The following PKHD1 variants were observed in gnomAD, a reference collection of about 807,000 sequenced individuals.
PKHD1 encodes PKHD1 ciliary IPT domain containing fibrocystin/polyductin.
A neutral mutation model predicts 412.0 loss-of-function variants in PKHD1; 291 were observed. That is an observed-to-expected ratio of 0.71 (90% CI 0.64 to 0.78). The LOEUF is 0.78. PKHD1 is among the 30% of genes least tolerant of loss of function. PKHD1 has a pLI of 0.00. For synonymous variants in PKHD1, 1,777 were observed against 1,821.5 expected (o/e 0.98, Z 0.62); for missense variants, 4,825 against 4,950.7 (o/e 0.97, Z 0.76).
At chr6:51,720,097 C>T (rs904871200) in intron 60 of PKHD1, among the ~76,000 whole-genome samples, 6 of 152,062 alleles carry the variant, frequency 3.9e-5, no homozygotes, top group Non-Finnish European at 8.8e-5. Flanking sequence ...TAAATCAATT[C>T]TATTATCCAT....
At chr6:51,638,231 C>T (rs1045964038) in intron 64 of PKHD1, among the ~76,000 whole-genome samples, 18 of 152,192 alleles carry the variant, frequency 1.2e-4, no homozygotes, top group African/African-American at 4.3e-4. Context: ...GCTATACGAT[C>T]ACTATCTCCC....
chr6:51,806,350 TAA>T (rs553305201), intron 52 of PKHD1, among the ~76,000 whole-genome samples: 10 of 152,224 alleles, frequency 6.6e-5, no homozygotes, highest in African/African-American at 2.2e-4. Context: ...CAGGATTGGA[TAA>T]AGTGTCAAGA....
rs139742511 is a variant in PKHD1 at position 51,659,742 on chromosome 6, T to C, written c.10384A>G (p.Ile3462Val). ...TTGGTGATTTGCCTGATGGGTAAGA[T>C]AGAATAGAAAGTAGACACTGACCCA... Reference protein sequence around the residue: ...TSGSVSTFYSILPIRQITKVC... With the variant: ...TSGSVSTFYSVLPIRQITKVC... The change falls in exon 61 of 67, where the codon ATC becomes GTC. Residue 3462 changes from isoleucine (I) to valine (V), a missense_variant. Ile to Val is a conservative substitution (Grantham distance 29). Transcript: ENST00000371117. 5.0e-5 allele frequency: 81 copies of C among 1,613,704 alleles called. No homozygotes were observed. The highest frequency in any genetic ancestry group is 1.5e-4 in the African/African-American group (11 of 75,004).
intron 60 of PKHD1, among the ~76,000 whole-genome samples, chr6:51,740,340 T>C (rs1258961544): frequency 6.6e-6 from 1 of 152,220 alleles, no homozygotes; most frequent in Non-Finnish European, 1.5e-5. Flanking sequence ...CCTGTGGATA[T>C]CTGTCTGGGT....
chr6:51,702,160 T>C (rs565656762), intron 60 of PKHD1, among the ~76,000 whole-genome samples: 2 of 146,688 alleles, frequency 1.4e-5, no homozygotes, highest in Non-Finnish European at 1.5e-5. Context: ...ATATATTATA[T>C]ATATTATATG....
chr6:51,671,256 C>CT (rs1774918982), intron 60 of PKHD1, among the ~76,000 whole-genome samples: 1 of 152,014 alleles, frequency 6.6e-6, no homozygotes, highest in South Asian at 2.1e-4. Context: ...TCTTTTTATT[C>CT]TTTTTTCTCT....
intron 49 of PKHD1, 104 bp from the exon 50 acceptor site, chr6:51,848,074 A>G (rs1771529741): frequency 1.3e-6 from 1 of 776,888 alleles, no homozygotes; most frequent in Admixed American, 1.9e-5. Context: ...GAGAACGCAG[A>G]TGGAGTAGTT....
At chr6:51,688,706 C>A (rs948887953) in intron 60 of PKHD1, among the ~76,000 whole-genome samples, 2 of 152,052 alleles carry the variant, frequency 1.3e-5, no homozygotes, top group African/African-American at 4.8e-5. Flanking sequence ...ATTATAAACA[C>A]CTCCAGTGTT....
chr6:51,969,958 G>A lies in PKHD1; in HGVS notation c.5752-9932C>T, dbSNP rs141081874. Among the ~76,000 whole-genome samples, 436 of 152,278 alleles carry A rather than the reference G, an allele frequency of 2.9e-3. 3 individuals are homozygous for A. Among genetic ancestry groups the A allele is most frequent in the African/African-American group, 0.01 (422 of 41,572 alleles). On this transcript the variant is annotated intron_variant, in intron 35 of 66. Coordinates refer to ENST00000371117, the MANE Select transcript of PKHD1 (RefSeq NM_138694.4). Reference sequence around the variant, plus strand: ...TTTTCCTTTGGGTAGATACCCAGTAGTGGGATTGCTAGATCAAATGGTACT... The same window carrying A: ...TTTTCCTTTGGGTAGATACCCAGTAATGGGATTGCTAGATCAAATGGTACT...
In PKHD1 at chr6:52,025,975, C is replaced by T. The variant is rs201611688; in HGVS notation, c.3835G>A (p.Ala1279Thr). Residue 1279 changes from alanine (A) to threonine (T), a missense_variant, in exon 32 of 67, where the codon GCC (alanine) becomes ACC (threonine). Physicochemically the swap from Ala to Thr is moderately conservative, Grantham distance 58 (BLOSUM62 0). Transcript: ENST00000371117. ...VEVWAGNRFF[A>T]RGPSPSLVGK... Reference sequence around the variant, plus strand: ...ACCAAGCTTGGTGAAGGACCACGGGCGAAGAACCTGTTGCCAGCCCAGACC... The same window carrying T: ...ACCAAGCTTGGTGAAGGACCACGGGTGAAGAACCTGTTGCCAGCCCAGACC... 439 of 1,614,078 alleles carry T rather than the reference C, an allele frequency of 2.7e-4. 6 individuals are homozygous for T. The South Asian group carries it at 4.4e-3, about 16-fold the overall frequency.
At chr6:52,051,154 T>C (rs1806785017) in intron 21 of PKHD1, among the ~76,000 whole-genome samples, 1 of 152,146 alleles carries the variant, frequency 6.6e-6, no homozygotes, top group East Asian at 1.9e-4. Flanking sequence ...CAGTGATCAT[T>C]AGATTCCGAT....
At chr6:51,701,771 A>T in intron 60 of PKHD1, among the ~76,000 whole-genome samples, 1 of 151,974 alleles carries the variant, frequency 6.6e-6, no homozygotes, top group East Asian at 1.9e-4. Context: ...CTCCAACTTT[A>T]TATAAGTTTA....
At chr6:52,034,107 A>G (rs9357721) in intron 28 of PKHD1, among the ~76,000 whole-genome samples, 63,966 of 151,156 alleles carry the variant, frequency 0.42, 15,308 homozygotes, top group Admixed American at 0.56. Flanking sequence ...CTGGGCAACA[A>G]AAGCGAAACT....
chr6:51,968,908 C>T (rs899867901), intron 35 of PKHD1, among the ~76,000 whole-genome samples: 4 of 152,136 alleles, frequency 2.6e-5, no homozygotes, highest in Non-Finnish European at 4.4e-5. Flanking sequence ...GATTCTGAAC[C>T]CCTGGTGTAC....
chr6:52,079,531 A>C (rs932432992), intron 5 of PKHD1, among the ~76,000 whole-genome samples: 2 of 152,192 alleles, frequency 1.3e-5, no homozygotes, highest in African/African-American at 4.8e-5. Flanking sequence ...TATTTTGATG[A>C]GAATTTAGAA....
rs780401384 is a variant in PKHD1, at chr6:52,033,172, A to C, written c.3229-7T>G. On this transcript the variant is annotated splice_region_variant and splice_polypyrimidine_tract_variant and intron_variant, in intron 28 of 66. Coordinates refer to ENST00000371117, the MANE Select transcript of PKHD1 (RefSeq NM_138694.4). ...CAATGCGTCCATCTTTCCCCTGAAA[A>C]ATCAATTTTAAAAATTAAACCTCAG... 2.5e-6 allele frequency: 4 copies of C among 1,610,620 alleles called. No individual in the cohort carries two copies. In the Admixed American group the frequency reaches 6.7e-5, roughly 27 times the overall value.
At chr6:52,044,753 T>G (rs1253183953) in intron 25 of PKHD1, among the ~76,000 whole-genome samples, 1 of 152,238 alleles carries the variant, frequency 6.6e-6, no homozygotes, top group Non-Finnish European at 1.5e-5. Flanking sequence ...TCAATAATTA[T>G]AATAGAATAT....
chr6:51,721,829 TCTC>T (rs1291333012), intron 60 of PKHD1: 68 of 1,506,172 alleles, frequency 4.5e-5, no homozygotes, highest in Non-Finnish European at 5.9e-5. Context: ...CTGCCATCAA[TCTC>T]CTCCCAGTCC....
At position 51,619,071 on chromosome 6, in the gene PKHD1, A is replaced by G; in HGVS notation, c.*10T>C. 2 of 1,613,668 alleles carry G rather than the reference A, an allele frequency of 1.2e-6. No individual in the cohort carries two copies. Among genetic ancestry groups the G allele is most frequent in the Non-Finnish European group, 1.7e-6 (2 of 1,179,598 alleles). Reference sequence around the variant, plus strand: ...CTGCCTTTCAGGCCAAATGCCCCCAACTTCCCTGATCACAGTTGCTCCTGA... The same window carrying G: ...CTGCCTTTCAGGCCAAATGCCCCCAGCTTCCCTGATCACAGTTGCTCCTGA... On this transcript the variant is annotated 3_prime_UTR_variant, in exon 67 of 67. Transcript: ENST00000371117.
Sources: allele counts gnomAD v4.1 joint callset (sites outside exome capture counted in the v4.1 genomes callset), GRCh38; gene constraint gnomAD v4.1.1; transcripts MANE v1.5; gene names NCBI Gene and HGNC (gene_info 2026-07-23, HGNC 2026-07-21).